The following DNAH9 variants were observed in gnomAD, a reference collection of about 807,000 sequenced individuals.
DNAH9 encodes the protein dynein axonemal heavy chain 9, also known as DNAH9 variant protein.
Under a neutral mutation model 471.6 loss-of-function variants are expected in DNAH9, and 345 were observed. The observed-to-expected ratio is 0.73, with a 90% CI of 0.67 to 0.80. The LOEUF (loss-of-function observed/expected upper bound fraction) is 0.80. Ranked by LOEUF, DNAH9 falls within the 30% of genes least tolerant of loss-of-function variation. DNAH9 has a pLI of 0.00. For missense variants in DNAH9, 5,407 were observed against 5,609.2 expected (o/e 0.96, Z 1.15); for synonymous variants, 2,093 against 2,123.6 (o/e 0.99, Z 0.40).
chr17:11,698,692 T>A (rs1223962279), intron 22 of DNAH9, among the ~76,000 whole-genome samples: 1 of 152,102 alleles, frequency 6.6e-6, no homozygotes, highest in Non-Finnish European at 1.5e-5. Flanking sequence ...TTGTAATTAT[T>A]CAAGAAGCTC....
chr17:11,821,869 A>T (rs193020092), intron 45 of DNAH9, 51 bp from the exon 46 acceptor site: 2 of 1,573,574 alleles, frequency 1.3e-6, no homozygotes, highest in Non-Finnish European at 1.7e-6. Flanking sequence ...GTCTGATTGC[A>T]TCATTTAACG....
At chr17:11,799,428 G>A (rs778089369) in intron 43 of DNAH9, among the ~76,000 whole-genome samples, 4 of 152,024 alleles carry the variant, frequency 2.6e-5, no homozygotes, top group Non-Finnish European at 5.9e-5. Context: ...GTGCAGTGGC[G>A]TGATCTCAGC....
chr17:11,876,401 A>C (rs998299493), intron 53 of DNAH9, among the ~76,000 whole-genome samples: 11 of 152,178 alleles, frequency 7.2e-5, no homozygotes, highest in Admixed American at 2.0e-4. Flanking sequence ...ATATACACCC[A>C]TGTACCCATA....
At chr17:11,646,329 C>T (rs1366425084) in intron 11 of DNAH9, among the ~76,000 whole-genome samples, 1 of 152,082 alleles carries the variant, frequency 6.6e-6, no homozygotes, top group Non-Finnish European at 1.5e-5. Flanking sequence ...AGTTGCTGCA[C>T]TGTGTCAGGG....
rs926674714 is a variant in DNAH9, at chr17:11,626,311, C to T, written c.1351-3106C>T. ...TTAAATAAACAATGAAAAGAACTTA[C>T]ATTTACATAATTTAAGAATCGAATT... On this transcript the variant is annotated intron_variant, in intron 6 of 68. Transcript: ENST00000262442. The surrounding 1 kb of genome is among the most constrained non-coding windows in gnomAD (Gnocchi z 4.3). Among the ~76,000 whole-genome samples, 1 of 152,184 alleles carries T rather than the reference C, an allele frequency of 6.6e-6. No homozygotes were observed. Among genetic ancestry groups the T allele is most frequent in the Admixed American group, 6.5e-5 (1 of 15,280 alleles).
chr17:11,960,683 C>T (rs1163024866), intron 67 of DNAH9, among the ~76,000 whole-genome samples: 10 of 151,608 alleles, frequency 6.6e-5, no homozygotes, highest in Non-Finnish European at 8.8e-5. Flanking sequence ...CGCTTGAACC[C>T]GGGAGGCGGA....
At chr17:11,844,921 C>A (rs1971161314) in intron 49 of DNAH9, among the ~76,000 whole-genome samples, 1 of 151,648 alleles carries the variant, frequency 6.6e-6, no homozygotes. Flanking sequence ...AGCTTTTTTT[C>A]ATAGGTTTGT....
At chr17:11,941,747 T>TGA (rs1205188017) in intron 66 of DNAH9, among the ~76,000 whole-genome samples, 2 of 151,326 alleles carry the variant, frequency 1.3e-5, no homozygotes, top group African/African-American at 4.9e-5. Context: ...TAGTGATAGA[T>TGA]TAGATAGATG....
At position 11,775,305 on chromosome 17, in the gene DNAH9, C is replaced by T. The variant is rs536680390; in HGVS notation, c.7553-5704C>T. ...TGTAAATGGAAGCTGTTATTATAAT[C>T]ATATTAACAACATACTTCTCAAATT... On this transcript the variant is annotated intron_variant, in intron 38 of 68. Transcript: ENST00000262442. Among the ~76,000 whole-genome samples, 301 of 152,220 alleles carry T rather than the reference C, an allele frequency of 2.0e-3. 1 individual carries two copies. The highest frequency in any genetic ancestry group is 3.2e-3 in the Non-Finnish European group (216 of 68,008).
intron 30 of DNAH9, among the ~76,000 whole-genome samples, chr17:11,742,743 C>T (rs1238520300): frequency 6.6e-6 from 1 of 152,194 alleles, no homozygotes; most frequent in Non-Finnish European, 1.5e-5. Flanking sequence ...AGGAAATTCA[C>T]AGAAAAATTG....
chr17:11,906,052 C>T (rs1236117943), intron 61 of DNAH9, among the ~76,000 whole-genome samples: 2 of 152,128 alleles, frequency 1.3e-5, no homozygotes, highest in Non-Finnish European at 2.9e-5. Context: ...TCGTCCCCTC[C>T]ACTCTGCCTC....
At chr17:11,914,897 T>A (rs1410895198) in intron 61 of DNAH9, among the ~76,000 whole-genome samples, 1 of 152,162 alleles carries the variant, frequency 6.6e-6, no homozygotes, top group East Asian at 1.9e-4. Context: ...GCTCTAAAAA[T>A]TTTTCTGTTA....
At chr17:11,859,013 T>G (rs1597743745) in intron 50 of DNAH9, among the ~76,000 whole-genome samples, 1 of 142,092 alleles carries the variant, frequency 7.0e-6, no homozygotes, top group Non-Finnish European at 1.5e-5. Context: ...GAACCCAGGA[T>G]GCAGAGGTTG....
chr17:11,925,113 G>A (rs915754088), intron 62 of DNAH9: 19 of 441,074 alleles, frequency 4.3e-5, no homozygotes, highest in East Asian at 4.2e-4. Flanking sequence ...CCATTGCTAC[G>A]TTGACATGGT....
intron 38 of DNAH9, among the ~76,000 whole-genome samples, chr17:11,770,402 C>T (rs1968156628): frequency 6.6e-6 from 1 of 152,068 alleles, no homozygotes; most frequent in South Asian, 2.1e-4. Context: ...AAAGTTTTGC[C>T]AGCTCTTGTA....
intron 14 of DNAH9, among the ~76,000 whole-genome samples, chr17:11,656,830 G>A (rs1279125809): frequency 6.6e-6 from 1 of 152,030 alleles, no homozygotes; most frequent in Non-Finnish European, 1.5e-5. Flanking sequence ...CCTATAAATG[G>A]AATTACGTAG....
intron 45 of DNAH9, among the ~76,000 whole-genome samples, chr17:11,821,204 T>C (rs1371365385): frequency 6.6e-6 from 1 of 150,812 alleles, no homozygotes; most frequent in Admixed American, 6.6e-5. Flanking sequence ...GAGAATCACT[T>C]GAACCTGCGA....
chr17:11,942,864 G>A (rs1042291064), intron 67 of DNAH9, among the ~76,000 whole-genome samples: 7 of 151,532 alleles, frequency 4.6e-5, no homozygotes, highest in African/African-American at 1.7e-4. Flanking sequence ...TGAGGAAGGT[G>A]ACTGCTGTCG....
intron 67 of DNAH9, among the ~76,000 whole-genome samples, chr17:11,957,903 A>G (rs541977905): frequency 1.5e-4 from 23 of 152,308 alleles, no homozygotes; most frequent in African/African-American, 5.3e-4. Flanking sequence ...ACAACTATAA[A>G]TATACCTATA....
Sources: gnomAD v4.1 joint callset for allele counts (sites outside exome capture counted in the v4.1 genomes callset) on GRCh38, gnomAD v4.1.1 for gene constraint, Gnocchi (gnomAD v3.1) non-coding constraint, MANE v1.5 for transcripts, NCBI Gene and HGNC (gene_info 2026-07-23, HGNC 2026-07-21) for gene names.